Variants in SPEG observed in about 807,000 individuals in gnomAD.
SPEG encodes striated muscle enriched protein kinase, also known as striated muscle preferentially expressed protein kinase.
A neutral mutation model predicts 300.4 loss-of-function variants in SPEG; 114 were observed. The observed-to-expected ratio is 0.38, with a 90% CI of 0.33 to 0.44. SPEG has a LOEUF of 0.44. SPEG is among the 20% of genes least tolerant of loss of function. The pLI is 1.00. For missense variants in SPEG, 4,201 were observed against 4,586.2 expected (o/e 0.92, Z 2.43); for synonymous variants, 1,964 against 2,018.9 (o/e 0.97, Z 0.73).
intron 10 of SPEG, among the ~76,000 whole-genome samples, chr2:219,468,003 C>T (rs1014820670): frequency 1.3e-5 from 2 of 152,350 alleles, no homozygotes; most frequent in East Asian, 3.9e-4. Flanking sequence ...GAGATTATGG[C>T]ACCTGCCTTG....
intron 8 of SPEG, among the ~76,000 whole-genome samples, chr2:219,462,850 G>A (rs1232393454): frequency 6.6e-6 from 1 of 152,204 alleles, no homozygotes; most frequent in Non-Finnish European, 1.5e-5. Context: ...CCTGGGAGGT[G>A]GAAGCTGTAG....
chr2:219,489,499 T>A lies in SPEG; in HGVS notation c.8481T>A (p.Pro2827=), dbSNP rs745952268. 71 of 1,277,336 alleles carry A rather than the reference T, an allele frequency of 5.6e-5. No homozygotes were observed. Among genetic ancestry groups the A allele is most frequent in the Non-Finnish European group, 6.9e-5 (67 of 970,054 alleles). 79.1% of individuals were successfully genotyped at this position (1,277,336 alleles called of 1,614,324 possible). Residue 2827 remains proline, a synonymous_variant, in exon 36 of 41, where the codon CCT becomes CCA. Coordinates refer to ENST00000312358, the MANE Select transcript of SPEG (RefSeq NM_005876.5). ...TCAGCCCCTCATCTCCCCCCACACC[T>A]CCTAGCCAGGCCTTGTCCTCGCTCA... ...VTVSPSSPPT[P]PSQALSSLKA...
Position 219,490,854 on chromosome 2 carries a change from C to T in SPEG, c.9283C>T (p.Pro3095Ser). ...CAAGCCAGACAACCTGCTGCTGGCC[C>T]CTGACAATGCCCTCAAGATTGTGGA... Reference protein sequence around the residue: ...DIKPDNLLLAPDNALKIVDFG... With the variant: ...DIKPDNLLLASDNALKIVDFG... Residue 3095 changes from proline (P) to serine (S), a missense_variant, in exon 38 of 41, where the codon CCT (proline) becomes TCT (serine). Pro to Ser is a moderately conservative substitution (Grantham distance 74). Transcript: ENST00000312358. The T allele has an allele frequency of 6.2e-7, 1 of 1,614,008 alleles. No homozygotes were observed. Among genetic ancestry groups the T allele is most frequent in the African/African-American group, 1.3e-5 (1 of 75,040 alleles).
Position 219,466,112 on chromosome 2 carries a change from C to G in SPEG, c.2882-1062C>G, listed in dbSNP as rs1185922134. 1.3e-6 allele frequency: 2 copies of G among 1,589,658 alleles called. 1 individual carries two copies. The highest frequency in any genetic ancestry group is 2.3e-5 in the South Asian group (2 of 88,420). The stretch of plus-strand genomic sequence containing the variant: ...CCCCCGCTACCCTCCGAGCCGCGCC[C>G]CTGTCTCAGGCACCTCTCGGACCTC... On this transcript the variant is annotated intron_variant, in intron 9 of 40. Transcript: ENST00000312358.
chr2:219,444,164 T>C lies in SPEG; in HGVS notation c.389-489T>C. On this transcript the variant is annotated intron_variant, in intron 1 of 40. Coordinates refer to ENST00000312358, the MANE Select transcript of SPEG (RefSeq NM_005876.5). This position sits in a 1 kb window ranked among gnomAD's most constrained non-coding sequence, Gnocchi z 7.8. ...GCTGCACCCGATGCCTTGCAGCTGG[T>C]TTGGGGTAGAGGACAGGCTGGCCCC... 1.1e-6 allele frequency: 1 copy of C among 871,810 alleles called. No individual in the cohort carries two copies. The allele number at this position is 871,810 out of a possible 1,614,324, so 54.0% of individuals were successfully genotyped here.
rs766955360 is a variant in SPEG at position 219,473,690 on chromosome 2, G to T, written c.4272-38G>T. On this transcript the variant is annotated intron_variant, in intron 17 of 40. Transcript: ENST00000312358. This position sits in a 1 kb window ranked among gnomAD's most constrained non-coding sequence, Gnocchi z 4.6. ...CCCAGCCTGGCCGGAATGCCCTGGG[G>T]CAAGATCTGGGTGACCTCCCTGTCA... 2 of 1,613,112 alleles carry T rather than the reference G, an allele frequency of 1.2e-6. No individual in the cohort carries two copies. The highest frequency in any genetic ancestry group is 1.7e-5 in the Admixed American group (1 of 59,996).
chr2:219,453,898 G>A (rs773642027), intron 6 of SPEG, among the ~76,000 whole-genome samples: 1 of 152,204 alleles, frequency 6.6e-6, no homozygotes, highest in Non-Finnish European at 1.5e-5. Context: ...ATCTGGCAAG[G>A]GGTGGTCCCA....
At chr2:219,486,304 A>C (rs928720259) in intron 31 of SPEG, among the ~76,000 whole-genome samples, 1 of 152,250 alleles carries the variant, frequency 6.6e-6, no homozygotes, top group Non-Finnish European at 1.5e-5. Flanking sequence ...CCAGGCCAGC[A>C]TGCAGGAAGG....
chr2:219,476,158 TG>T (rs34537949), intron 18 of SPEG, among the ~76,000 whole-genome samples: 80,501 of 152,016 alleles, frequency 0.53, 24,072 homozygotes, highest in East Asian at 0.77. Flanking sequence ...CCATGTGATA[TG>T]TATGGAGAAT....
At position 219,479,087 on chromosome 2, in the gene SPEG, G is replaced by A. The variant is rs374388462; in HGVS notation, c.5028-57G>A. ...TGCTGAGCTGGGACCTGCCCTGAGCGCTGGGCTGGGCCGGGCAGTTGGCAC... is the reference window on the plus strand; with the variant it reads ...TGCTGAGCTGGGACCTGCCCTGAGCACTGGGCTGGGCCGGGCAGTTGGCAC... On this transcript the variant is annotated intron_variant, in intron 22 of 40. Coordinates refer to ENST00000312358, the MANE Select transcript of SPEG (RefSeq NM_005876.5). The surrounding 1 kb of genome is among the most constrained non-coding windows in gnomAD (Gnocchi z 5.5). The A allele has an allele frequency of 3.1e-4, 470 of 1,513,274 alleles. No homozygotes were observed. In the African/African-American group the frequency reaches 4.2e-3, roughly 13 times the overall value. The allele number at this position is 1,513,274 out of a possible 1,614,324, so 93.7% of individuals were successfully genotyped here. A position where few individuals can be genotyped will look rare whatever the true frequency, so the allele number is the denominator to read the frequency against.
intron 1 of SPEG, among the ~76,000 whole-genome samples, chr2:219,440,605 A>ATTT (rs2125212439): frequency 6.8e-6 from 1 of 146,392 alleles, no homozygotes; most frequent in Non-Finnish European, 1.5e-5. Flanking sequence ...TTATTTATTT[A>ATTT]AAGCAGAGTC....
chr2:219,482,479 G>C, intron 28 of SPEG: 1 of 359,708 alleles, frequency 2.8e-6, no homozygotes, highest in Non-Finnish European at 5.1e-6. Flanking sequence ...AGGCCTCCCA[G>C]GGCAGCTGGT....
chr2:219,484,939 C>T lies in SPEG; in HGVS notation c.7476C>T (p.Arg2492=), dbSNP rs908638539. 1 of 1,529,352 alleles carries T rather than the reference C, an allele frequency of 6.5e-7. No individual in the cohort carries two copies. The highest frequency in any genetic ancestry group is 8.7e-7 in the Non-Finnish European group (1 of 1,144,482). 94.7% of individuals were successfully genotyped at this position (1,529,352 alleles called of 1,614,324 possible). A position where few individuals can be genotyped will look rare whatever the true frequency, so the allele number is the denominator to read the frequency against. Residue 2492 remains arginine, a synonymous_variant, in exon 30 of 41, where the codon CGC becomes CGT. Coordinates refer to ENST00000312358, the MANE Select transcript of SPEG (RefSeq NM_005876.5). Reference sequence around the variant, plus strand: ...GCACGCCGCTGTTCGGACGGCTTCGCAGGGCCACGTCCGAGGGCGAGAGTC... The same window carrying T: ...GCACGCCGCTGTTCGGACGGCTTCGTAGGGCCACGTCCGAGGGCGAGAGTC... ...GRSTPLFGRL[R]RATSEGESLR...
At position 219,434,852 on chromosome 2, in the gene SPEG, C is replaced by T; in HGVS notation, c.-126C>T. The T allele has an allele frequency of 1.6e-6, 1 of 629,250 alleles. No individual in the cohort carries two copies. Among genetic ancestry groups the T allele is most frequent in the South Asian group, 2.3e-5 (1 of 44,322 alleles). The allele number at this position is 629,250 out of a possible 1,614,324, so 39.0% of individuals were successfully genotyped here. ...CGGTGACCTTCTGGGTAGCACAGGC[C>T]GAAGGCGGGCGGGCAGCAGGAAGGC... On this transcript the variant is annotated 5_prime_UTR_variant, in exon 1 of 41. Transcript: ENST00000312358.
intron 30 of SPEG, 54 bp downstream of exon 30, chr2:219,485,126 G>T: frequency 6.6e-7 from 1 of 1,519,986 alleles, no homozygotes; most frequent in Non-Finnish European, 8.8e-7. Context: ...GGGTGCGCTG[G>T]AGAGAGGCTG....
intron 18 of SPEG, chr2:219,474,327 G>A (rs1218511716): frequency 3.8e-5 from 6 of 156,980 alleles, no homozygotes; most frequent in Admixed American, 2.5e-4. Flanking sequence ...GCAGTGAGCC[G>A]AGATTGCTCC....
chr2:219,435,175 G>A lies in SPEG; in HGVS notation c.198G>A (p.Val66=). ...GCGACGTGCGGCTGCGGGTGGTGGT[G>A]AGCGGGACGCCCCAGCCCAGCCTCC... The part of the protein sequence containing the change: ...AGSDVRLRVV[V]SGTPQPSLRW... Residue 66 remains valine, a synonymous_variant, in exon 1 of 41, where the codon GTG becomes GTA. Coordinates refer to ENST00000312358, the MANE Select transcript of SPEG (RefSeq NM_005876.5). 1 of 1,478,248 alleles carries A rather than the reference G, an allele frequency of 6.8e-7. No individual in the cohort carries two copies. The highest frequency in any genetic ancestry group is 8.9e-7 in the Non-Finnish European group (1 of 1,123,962). The allele number at this position is 1,478,248 out of a possible 1,614,324, so 91.6% of individuals were successfully genotyped here. A position where few individuals can be genotyped will look rare whatever the true frequency, so the allele number is the denominator to read the frequency against.
chr2:219,480,584 C>T lies in SPEG; in HGVS notation c.5343-87C>T, dbSNP rs1278349655. ...GGCAGTGTTCCCAGGGAGGTAACAG[C>T]TCACTCAGGTCAGCAGTAGCAAAGA... On this transcript the variant is annotated intron_variant, in intron 25 of 40. Coordinates refer to ENST00000312358, the MANE Select transcript of SPEG (RefSeq NM_005876.5). The surrounding 1 kb of genome is among the most constrained non-coding windows in gnomAD (Gnocchi z 5.3). The T allele has an allele frequency of 2.9e-6, 4 of 1,400,450 alleles. No homozygotes were observed. Among genetic ancestry groups the T allele is most frequent in the Non-Finnish European group, 4.1e-6 (4 of 986,616 alleles). 86.8% of individuals were successfully genotyped at this position (1,400,450 alleles called of 1,614,324 possible). A position where few individuals can be genotyped will look rare whatever the true frequency, so the allele number is the denominator to read the frequency against.
chr2:219,442,891 T>C (rs1689031260), intron 1 of SPEG, among the ~76,000 whole-genome samples: 1 of 151,964 alleles, frequency 6.6e-6, no homozygotes, highest in Admixed American at 6.6e-5. Flanking sequence ...CCTCCCCTGC[T>C]CCTCCCAAGA....
Sources: gnomAD v4.1 joint callset for allele counts (sites outside exome capture counted in the v4.1 genomes callset) on GRCh38, gnomAD v4.1.1 for gene constraint, Gnocchi (gnomAD v3.1) non-coding constraint, MANE v1.5 for transcripts, NCBI Gene and HGNC (gene_info 2026-07-23, HGNC 2026-07-21) for gene names.